Variants in ALKBH8 observed in about 807,000 individuals in gnomAD.
ALKBH8 encodes alkB homolog 8, tRNA methyltransferase.
Under a neutral mutation model 59.8 loss-of-function variants are expected in ALKBH8, and 36 were observed. The ratio of observed to expected loss-of-function variants is 0.60; its 90% CI spans 0.46 to 0.79. The LOEUF (loss-of-function observed/expected upper bound fraction) is 0.79. Among genes scored for constraint, ALKBH8 ranks in the 30% least tolerant of loss-of-function variants. ALKBH8 has a pLI of 0.00. For synonymous variants in ALKBH8, 276 were observed against 273.6 expected, an observed-to-expected ratio of 1.01 and a Z score of -0.09; for missense variants, 768 against 801.0, an observed-to-expected ratio of 0.96 and a Z score of 0.50.
At chr11:107,506,766 G>C (rs1862404885) in intron 11 of ALKBH8, among the ~76,000 whole-genome samples, 1 of 152,134 alleles carries the variant, frequency 6.6e-6, no homozygotes, top group Admixed American at 6.5e-5. Flanking sequence ...CAAGCTGAGA[G>C]AATGTGTCAC....
At chr11:107,531,377 T>C (rs1362832837) in intron 8 of ALKBH8, among the ~76,000 whole-genome samples, 1 of 152,182 alleles carries the variant, frequency 6.6e-6, no homozygotes, top group African/African-American at 2.4e-5. Context: ...CAGAAGCACA[T>C]ACTAATTTCT....
At chr11:107,562,765 A>T (rs149657499) in intron 1 of ALKBH8, 23 of 152,210 alleles carry the variant, frequency 1.5e-4, no homozygotes, top group Admixed American at 5.9e-4. Context: ...GAGGTAAAAA[A>T]AATAATAATA....
intron 6 of ALKBH8, among the ~76,000 whole-genome samples, chr11:107,551,229 T>C (rs1049228991): frequency 6.6e-6 from 1 of 152,132 alleles, no homozygotes; most frequent in African/African-American, 2.4e-5. Context: ...AAAGGAAACG[T>C]TGAAAGGGAA....
chr11:107,538,353 C>T (rs770131804), intron 7 of ALKBH8, among the ~76,000 whole-genome samples: 12 of 152,062 alleles, frequency 7.9e-5, no homozygotes, highest in Admixed American at 5.2e-4. Context: ...ACTATCTGTA[C>T]TTTAACTAAA....
chr11:107,532,709 C>T (rs994628983), intron 7 of ALKBH8, among the ~76,000 whole-genome samples: 5 of 152,022 alleles, frequency 3.3e-5, no homozygotes, highest in South Asian at 2.1e-4. Context: ...AGGATCACAC[C>T]GTAGAAAACA....
At chr11:107,558,820 T>G (rs1437182482) in intron 2 of ALKBH8, among the ~76,000 whole-genome samples, 1 of 152,204 alleles carries the variant, frequency 6.6e-6, no homozygotes, top group East Asian at 1.9e-4. Context: ...GAATGTGAAT[T>G]TTTTTTAAGT....
At chr11:107,517,715 T>A (rs905110298) in intron 10 of ALKBH8, among the ~76,000 whole-genome samples, 7 of 152,154 alleles carry the variant, frequency 4.6e-5, no homozygotes, top group Non-Finnish European at 1.0e-4. Context: ...AAATGCGACT[T>A]CATAGAACTA....
At chr11:107,560,479 T>C (rs757435620) in intron 2 of ALKBH8, among the ~76,000 whole-genome samples, 5 of 152,124 alleles carry the variant, frequency 3.3e-5, no homozygotes, top group Non-Finnish European at 5.9e-5. Context: ...GAATTAAATA[T>C]AATAATGAAT....
At chr11:107,507,479 G>A (rs1326194115) in intron 11 of ALKBH8, among the ~76,000 whole-genome samples, 2 of 151,690 alleles carry the variant, frequency 1.3e-5, no homozygotes, top group African/African-American at 4.8e-5. Flanking sequence ...AATAAGACGA[G>A]ACCATTTTAT....
At chr11:107,536,672 G>C (rs1400096242) in intron 7 of ALKBH8, among the ~76,000 whole-genome samples, 1 of 152,154 alleles carries the variant, frequency 6.6e-6, no homozygotes, top group Non-Finnish European at 1.5e-5. Flanking sequence ...TTCCAGCAGT[G>C]TTATAAACTC....
At chr11:107,549,539 T>G (rs1864408021) in intron 7 of ALKBH8, among the ~76,000 whole-genome samples, 1 of 152,204 alleles carries the variant, frequency 6.6e-6, no homozygotes, top group Non-Finnish European at 1.5e-5. Flanking sequence ...AAAAATTAAA[T>G]TTCAAGTTGT....
chr11:107,538,987 A>G (rs917951743), intron 7 of ALKBH8, among the ~76,000 whole-genome samples: 1 of 152,240 alleles, frequency 6.6e-6, no homozygotes, highest in African/African-American at 2.4e-5. Flanking sequence ...TTCATAGCTG[A>G]AAGTTCACCT....
At chr11:107,559,483 A>C (rs560425302) in intron 2 of ALKBH8, among the ~76,000 whole-genome samples, 18 of 152,032 alleles carry the variant, frequency 1.2e-4, no homozygotes, top group Admixed American at 3.3e-4. Context: ...CAAGCTTCAG[A>C]GGGGTCAAAG....
chr11:107,541,974 C>G (rs1404372996), intron 7 of ALKBH8, among the ~76,000 whole-genome samples: 2 of 151,950 alleles, frequency 1.3e-5, no homozygotes, highest in African/African-American at 2.4e-5. Context: ...ATTAGGATAT[C>G]AATGAATGAG....
chr11:107,504,770 T>G lies in ALKBH8; in HGVS notation c.1883A>C (p.His628Pro). 6.4e-7 allele frequency: 1 copy of G among 1,551,992 alleles called. No homozygotes were observed. Among genetic ancestry groups the G allele is most frequent in the African/African-American group, 1.4e-5 (1 of 73,122 alleles). The stretch of plus-strand genomic sequence containing the variant: ...TTCCAGTTCTCCCTCACGGAACACA[T>G]GGTAGTAACGATGAAACACAGGACT... ...DPSPVFHRYY[H>P]VFREGELEGA... The change falls in exon 12 of 12, where the codon CAT becomes CCT. Residue 628 changes from histidine (H) to proline (P), a missense_variant. His to Pro is a moderately conservative substitution (Grantham distance 77). Coordinates refer to ENST00000428149, the MANE Select transcript of ALKBH8 (RefSeq NM_138775.3).
intron 8 of ALKBH8, among the ~76,000 whole-genome samples, chr11:107,531,754 T>C (rs1436473063): frequency 6.6e-6 from 1 of 152,252 alleles, no homozygotes; most frequent in Non-Finnish European, 1.5e-5. Flanking sequence ...TTTCAGGCAC[T>C]GAGGGCCACA....
At chr11:107,524,203 C>A (rs1863254014) in intron 9 of ALKBH8, among the ~76,000 whole-genome samples, 1 of 151,992 alleles carries the variant, frequency 6.6e-6, no homozygotes, top group Admixed American at 6.6e-5. Context: ...GGACTACAGG[C>A]ACACACCACC....
rs1189239419 is a variant in ALKBH8, at chr11:107,504,503, T to C, written c.*155A>G. The stretch of plus-strand genomic sequence containing the variant: ...TGTCAGCCAACAGGAGACATTTGAA[T>C]GTCTCCTAATGAATCCCTACTTCCA... On this transcript the variant is annotated 3_prime_UTR_variant, in exon 12 of 12. Coordinates refer to ENST00000428149, the MANE Select transcript of ALKBH8 (RefSeq NM_138775.3). The C allele has an allele frequency of 1.2e-6, 1 of 866,432 alleles. No homozygotes were observed. The highest frequency in any genetic ancestry group is 2.6e-5 in the East Asian group (1 of 37,902). 53.7% of individuals were successfully genotyped at this position (866,432 alleles called of 1,614,324 possible). A position where few individuals can be genotyped will look rare whatever the true frequency, so the allele number is the denominator to read the frequency against.
Position 107,510,254 on chromosome 11 carries a change from A to C in ALKBH8, c.1437+633T>G, listed in dbSNP as rs180989885. On this transcript the variant is annotated intron_variant, in intron 11 of 11. Coordinates refer to ENST00000428149, the MANE Select transcript of ALKBH8 (RefSeq NM_138775.3). ...ATAAAGCTATTGCATAAATCAAGGGAATGACTGCTGACACCCAAGAAAAAT... is the reference window on the plus strand; with the variant it reads ...ATAAAGCTATTGCATAAATCAAGGGCATGACTGCTGACACCCAAGAAAAAT... Among the ~76,000 whole-genome samples the C allele has an allele frequency of 7.7e-4, 118 of 152,310 alleles. 1 individual carries two copies. Among genetic ancestry groups the C allele is most frequent in the African/African-American group, 2.7e-3 (111 of 41,566 alleles).
Sources: allele counts gnomAD v4.1 joint callset (sites outside exome capture counted in the v4.1 genomes callset), GRCh38; gene constraint gnomAD v4.1.1; transcripts MANE v1.5; gene names NCBI Gene and HGNC (gene_info 2026-07-23, HGNC 2026-07-21).